Variants in FRYL observed in about 807,000 individuals in gnomAD.
The protein encoded by FRYL is protein furry homolog-like.
In FRYL, 150 loss-of-function variants were observed where a neutral mutation model predicts 351.2. The observed-to-expected ratio is 0.43, with a 90% confidence interval of 0.37 to 0.49. The LOEUF (loss-of-function observed/expected upper bound fraction) is 0.49, where lower values mean the gene tolerates loss of function less well. FRYL is among the 20% of genes least tolerant of loss of function. The probability of loss-of-function intolerance (pLI) is 0.00; values close to 1 mark genes in which losing one functional copy is unlikely to be tolerated. For missense variants in FRYL, 3,036 were observed against 3,619.3 expected (o/e 0.84, Z 4.13); for synonymous variants, 1,153 against 1,257.1 (o/e 0.92, Z 1.75).
chr4:48,556,484 C>T (rs1257742248), intron 35 of FRYL, among the ~76,000 whole-genome samples: 3 of 152,230 alleles, frequency 2.0e-5, no homozygotes, highest in African/African-American at 7.2e-5. Context: ...CCTACGTGCA[C>T]TGAGCTCACA....
rs1729933591 is a variant in FRYL, at chr4:48,540,495, C to T, written c.6153G>A (p.Leu2051=). The T allele has an allele frequency of 6.2e-7, 1 of 1,614,060 alleles. No individual in the cohort carries two copies. Among genetic ancestry groups the T allele is most frequent in the East Asian group, 2.2e-5 (1 of 44,886 alleles). The change falls in exon 46 of 64, where the codon TTG becomes TTA. Residue 2051 remains leucine, a synonymous_variant. Coordinates refer to ENST00000358350, the MANE Select transcript of FRYL (RefSeq NM_015030.2). ...GAAGTCCTGGAAAATTAGTCCATTT[C>T]AATTTGCTTTGTACATTTTCAATCT... ...REKIENVQSK[L]KWTNFPGLQQ... is the part of the protein sequence containing the mutation.
chr4:48,617,354 T>A (rs1160641465), intron 7 of FRYL, among the ~76,000 whole-genome samples: 3 of 151,490 alleles, frequency 2.0e-5, no homozygotes, highest in Admixed American at 2.0e-4. Flanking sequence ...AAGATTTTTT[T>A]TTTTTTTTTA....
Position 48,632,188 on chromosome 4 carries a change from T to C in FRYL, c.120+2103A>G, listed in dbSNP as rs1246605005. On this transcript the variant is annotated intron_variant, in intron 4 of 63. Transcript: ENST00000358350. ...TATAAAAATTGAGAACTGGTAGGACTGTATCACATGATACTACTATAAAAC... is the reference window on the plus strand; with the variant it reads ...TATAAAAATTGAGAACTGGTAGGACCGTATCACATGATACTACTATAAAAC... 3.5e-5 allele frequency among the ~76,000 whole-genome samples: 5 copies of C among 142,408 alleles called. No individual in the cohort carries two copies. In the Admixed American group the frequency reaches 3.6e-4, roughly 10 times the overall value. 93.4% of individuals were successfully genotyped at this position (142,408 alleles called of 152,430 possible). A position where few individuals can be genotyped will look rare whatever the true frequency, so the allele number is the denominator to read the frequency against.
intron 3 of FRYL, among the ~76,000 whole-genome samples, chr4:48,677,474 G>A (rs927745554): frequency 6.6e-6 from 1 of 151,698 alleles, no homozygotes; most frequent in African/African-American, 2.4e-5. Context: ...GCAGTAGTGC[G>A]ATCTCGGCTC....
intron 4 of FRYL, among the ~76,000 whole-genome samples, chr4:48,629,844 A>G (rs1752606065): frequency 6.6e-6 from 1 of 152,174 alleles, no homozygotes; most frequent in Admixed American, 6.5e-5. Context: ...GATAAAAATA[A>G]GAGGGCTGAT....
At chr4:48,772,951 G>A (rs377294057) in intron 1 of FRYL, among the ~76,000 whole-genome samples, 9 of 152,166 alleles carry the variant, frequency 5.9e-5, no homozygotes, top group Admixed American at 5.2e-4. Context: ...GTGGGATGTC[G>A]TTGGTGAAAA....
Position 48,549,737 on chromosome 4 carries a change from C to T in FRYL, c.4634-114G>A. 2 of 824,680 alleles carry T rather than the reference C, an allele frequency of 2.4e-6. No homozygotes were observed. The highest frequency in any genetic ancestry group is 3.6e-6 in the Non-Finnish European group (2 of 551,578). 51.1% of individuals were successfully genotyped at this position (824,680 alleles called of 1,614,324 possible). A position where few individuals can be genotyped will look rare whatever the true frequency, so the allele number is the denominator to read the frequency against. On this transcript the variant is annotated intron_variant, in intron 38 of 63. Coordinates refer to ENST00000358350, the MANE Select transcript of FRYL (RefSeq NM_015030.2). This position sits in a 1 kb window ranked among gnomAD's most constrained non-coding sequence, Gnocchi z 4.2. Reference sequence around the variant, plus strand: ...TATTGGAAAGTGATAAAAAAAATTTCCCACTATTTCAACATGTTTGCTAGG... The same window carrying T: ...TATTGGAAAGTGATAAAAAAAATTTTCCACTATTTCAACATGTTTGCTAGG...
chr4:48,771,763 C>G (rs1367220511), intron 1 of FRYL, among the ~76,000 whole-genome samples: 1 of 122,000 alleles, frequency 8.2e-6, no homozygotes, highest in Non-Finnish European at 1.8e-5. Context: ...CTTCTGGTTC[C>G]TCACCCAGAA....
At position 48,497,418 on chromosome 4, in the gene FRYL, CACAAAAAGCAAA is replaced by C. The variant is rs1718689181; in HGVS notation, c.*1992_*2003del. 6.6e-6 allele frequency: 1 copy of C among 152,446 alleles called. No individual in the cohort carries two copies. The highest frequency in any genetic ancestry group is 2.4e-5 in the African/African-American group (1 of 41,408). The allele number at this position is 152,446 out of a possible 1,614,324, so 9.4% of individuals were successfully genotyped here. The stretch of plus-strand genomic sequence containing the variant: ...ATAGACTTAGTTACATATAAATAAA[CACAAAAAGCAAA>C]TATCAACTGAAAGGTTTGGTTGGGT... On this transcript the variant is annotated 3_prime_UTR_variant, in exon 64 of 64. Coordinates refer to ENST00000358350, the MANE Select transcript of FRYL (RefSeq NM_015030.2).
chr4:48,639,181 C>T (rs527847261), intron 3 of FRYL, among the ~76,000 whole-genome samples: 7 of 151,772 alleles, frequency 4.6e-5, no homozygotes, highest in East Asian at 1.9e-4. Flanking sequence ...CAAGTTAATT[C>T]GTGTGTATCA....
chr4:48,537,869 T>G (rs1729241670), intron 47 of FRYL, among the ~76,000 whole-genome samples: 1 of 152,186 alleles, frequency 6.6e-6, no homozygotes, highest in Non-Finnish European at 1.5e-5. Flanking sequence ...GCTGCCACTC[T>G]TAAATACTTC....
intron 1 of FRYL, among the ~76,000 whole-genome samples, chr4:48,746,047 T>C (rs958014253): frequency 2.0e-5 from 3 of 152,138 alleles, no homozygotes; most frequent in African/African-American, 7.2e-5. Context: ...AAAAGAAAAT[T>C]TGGAACTACT....
In FRYL at chr4:48,654,680, C is replaced by T. The variant is rs533845209; in HGVS notation, c.-80-20190G>A. Among the ~76,000 whole-genome samples the T allele has an allele frequency of 4.6e-5, 7 of 152,224 alleles. No homozygotes were observed. The South Asian group carries it at 1.5e-3, about 32-fold the overall frequency. The stretch of plus-strand genomic sequence containing the variant: ...TCTATTCTTAATATAGCACATAATT[C>T]CCACGAAAATCTTATAGTCAAAATG... On this transcript the variant is annotated intron_variant, in intron 3 of 63. Transcript: ENST00000358350.
In FRYL at chr4:48,579,198, A is replaced by G. The variant is rs1560646405; in HGVS notation, c.2303T>C (p.Leu768Ser). ...AATAGGAGAAGAGTTCCATTCTGCT[A>G]AAGTTTGTAAATCTATCGAGCTAGG... ...YCPSSIDLQTLAEWNSSPISH... is the reference protein window; with the variant it reads ...YCPSSIDLQTSAEWNSSPISH... The change falls in exon 23 of 64, where the codon TTA becomes TCA. Residue 768 changes from leucine (L) to serine (S), a missense_variant. Around this residue, in one of 7 missense-constraint regions of FRYL, gnomAD observed 492 missense variants for 551.5 expected, o/e 0.89. Transcript: ENST00000358350. 1.9e-6 allele frequency: 3 copies of G among 1,613,790 alleles called. No homozygotes were observed. Among genetic ancestry groups the G allele is most frequent in the Non-Finnish European group, 1.7e-6 (2 of 1,179,754 alleles).
intron 63 of FRYL, 52 bp from the exon 64 acceptor site, chr4:48,499,732 C>T (rs1239567811): frequency 1.3e-6 from 2 of 1,541,868 alleles, no homozygotes; most frequent in East Asian, 2.3e-5. Flanking sequence ...ATAGTTAAGA[C>T]TAACTCAATT....
chr4:48,525,196 T>TATAC (rs759279145), intron 53 of FRYL, among the ~76,000 whole-genome samples: 2,706 of 132,352 alleles, frequency 0.02, 45 homozygotes, highest in African/African-American at 0.036. Context: ...TATATATATA[T>TATAC]ACACACACTT....
chr4:48,732,532 T>C (rs1460242000), intron 1 of FRYL, among the ~76,000 whole-genome samples: 1 of 152,078 alleles, frequency 6.6e-6, no homozygotes, highest in African/African-American at 2.4e-5. Flanking sequence ...AACCCAAATG[T>C]CCATCAATGA....
At chr4:48,563,096 A>T in intron 31 of FRYL, 108 bp from the exon 32 acceptor site, 1 of 679,244 alleles carries the variant, frequency 1.5e-6, no homozygotes, top group Non-Finnish European at 2.6e-6. Context: ...CTATCTTCTA[A>T]GCCTATGAGG....
At chr4:48,606,756 A>G (rs1287856580) in intron 9 of FRYL, 150 bp from the exon 10 acceptor site, 6 of 516,542 alleles carry the variant, frequency 1.2e-5, no homozygotes, top group African/African-American at 9.5e-5. Context: ...CACAGAGGAA[A>G]ATAAAAATTG....
Sources: gnomAD v4.1 joint callset for allele counts (sites outside exome capture counted in the v4.1 genomes callset) on GRCh38, gnomAD v4.1.1 for gene constraint, gnomAD v4.1.1 regional missense constraint, Gnocchi (gnomAD v3.1) non-coding constraint, MANE v1.5 for transcripts, NCBI Gene and HGNC (gene_info 2026-07-23, HGNC 2026-07-21) for gene names.